PPP3CA: variants seen among roughly 807,000 people sequenced by gnomAD.
The protein encoded by PPP3CA is CAM-PRP catalytic subunit.
Under a neutral mutation model 66.5 loss-of-function variants are expected in PPP3CA, and 14 were observed. That is an observed-to-expected ratio of 0.21 (90% confidence interval 0.14 to 0.33). PPP3CA has a LOEUF of 0.33. Among genes scored for constraint, PPP3CA ranks in the 10% least tolerant of loss-of-function variants. The probability of loss-of-function intolerance (pLI) is 1.00; values close to 1 mark genes in which losing one functional copy is unlikely to be tolerated. For missense variants in PPP3CA, 317 were observed against 639.5 expected (o/e 0.50, Z 5.44); for synonymous variants, 232 against 226.2 (o/e 1.03, Z -0.23).
At chr4:101,279,694 T>C (rs1382980769) in intron 1 of PPP3CA, among the ~76,000 whole-genome samples, 4 of 152,112 alleles carry the variant, frequency 2.6e-5, no homozygotes, top group African/African-American at 4.8e-5. Context: ...GGCTTTTTAC[T>C]ATAAAAAGGG....
At chr4:101,343,699 C>T (rs1029455440) in intron 1 of PPP3CA, among the ~76,000 whole-genome samples, 1 of 152,140 alleles carries the variant, frequency 6.6e-6, no homozygotes, top group South Asian at 2.1e-4. Flanking sequence ...CTTTTCATCT[C>T]CACTGCCATC....
intron 1 of PPP3CA, among the ~76,000 whole-genome samples, chr4:101,204,477 A>T (rs541199571): frequency 2.6e-5 from 4 of 152,140 alleles, no homozygotes; most frequent in African/African-American, 7.2e-5. Context: ...TCTACTAAAA[A>T]TACAAAAAAT....
At chr4:101,333,573 AG>A (rs768601136) in intron 1 of PPP3CA, among the ~76,000 whole-genome samples, 3 of 152,128 alleles carry the variant, frequency 2.0e-5, no homozygotes, top group Non-Finnish European at 4.4e-5. Context: ...TGTCTTGTAT[AG>A]CGCTAGGCAC....
intron 2 of PPP3CA, among the ~76,000 whole-genome samples, chr4:101,154,223 T>C (rs1319552065): frequency 6.6e-6 from 1 of 152,198 alleles, no homozygotes; most frequent in Non-Finnish European, 1.5e-5. Context: ...ATGGTCCTGT[T>C]AGCTAATTAA....
intron 2 of PPP3CA, among the ~76,000 whole-genome samples, chr4:101,146,634 G>T (rs1374354843): frequency 6.6e-6 from 1 of 151,904 alleles, no homozygotes; most frequent in Non-Finnish European, 1.5e-5. Context: ...GTAGAGATGG[G>T]GTTTCACCAT....
At chr4:101,143,375 G>A (rs1722870533) in intron 2 of PPP3CA, among the ~76,000 whole-genome samples, 2 of 152,008 alleles carry the variant, frequency 1.3e-5, no homozygotes, top group Admixed American at 6.6e-5. Flanking sequence ...TGTCTTCCAT[G>A]GTCATAAAGT....
intron 6 of PPP3CA, among the ~76,000 whole-genome samples, chr4:101,083,546 A>C (rs142460630): frequency 3.3e-5 from 5 of 152,236 alleles, no homozygotes; most frequent in African/African-American, 1.2e-4. Flanking sequence ...TCAGAAAAAT[A>C]AATTTTTAAA....
intron 1 of PPP3CA, among the ~76,000 whole-genome samples, chr4:101,216,205 T>C (rs1578562201): frequency 6.6e-6 from 1 of 152,174 alleles, no homozygotes; most frequent in Middle Eastern, 3.2e-3. Context: ...TGATTTCTCA[T>C]TGAAAAATAT....
chr4:101,315,634 T>C (rs1728860756), intron 1 of PPP3CA, among the ~76,000 whole-genome samples: 1 of 152,208 alleles, frequency 6.6e-6, no homozygotes, highest in African/African-American at 2.4e-5. Context: ...AATTCAGCTG[T>C]ATATGACAAA....
chr4:101,335,748 T>A (rs749758211), intron 1 of PPP3CA, among the ~76,000 whole-genome samples: 1 of 151,950 alleles, frequency 6.6e-6, no homozygotes, highest in Non-Finnish European at 1.5e-5. Flanking sequence ...CAAGTTGGCA[T>A]GAGGACACAG....
At chr4:101,101,509 T>A (rs1242475083) in intron 3 of PPP3CA, among the ~76,000 whole-genome samples, 1 of 152,186 alleles carries the variant, frequency 6.6e-6, no homozygotes, top group Admixed American at 6.6e-5. Context: ...GTTTGGAATA[T>A]GAATGGATAT....
intron 6 of PPP3CA, among the ~76,000 whole-genome samples, chr4:101,086,821 A>G (rs1729693979): frequency 6.6e-6 from 1 of 152,154 alleles, no homozygotes; most frequent in Admixed American, 6.5e-5. Context: ...CCGCTTTTTC[A>G]TTTGCATTTT....
intron 8 of PPP3CA, among the ~76,000 whole-genome samples, chr4:101,073,249 GTGTGTA>G (rs1728999897): frequency 7.2e-6 from 1 of 138,610 alleles, no homozygotes; most frequent in Admixed American, 7.2e-5. Context: ...GTGTGTGTGT[GTGTGTA>G]TAGTGTATAT....
At chr4:101,130,888 A>G (rs935910262) in intron 2 of PPP3CA, among the ~76,000 whole-genome samples, 17 of 152,214 alleles carry the variant, frequency 1.1e-4, no homozygotes, top group African/African-American at 4.1e-4. Context: ...TTCACACATA[A>G]CAATATTAAC....
intron 3 of PPP3CA, among the ~76,000 whole-genome samples, chr4:101,099,941 C>T (rs1053742860): frequency 1.3e-5 from 2 of 151,664 alleles, no homozygotes. Flanking sequence ...CATACACGCA[C>T]TGAGGATCAT....
chr4:101,051,393 CAATT>C (rs1728003370), intron 10 of PPP3CA, among the ~76,000 whole-genome samples: 1 of 152,122 alleles, frequency 6.6e-6, no homozygotes, highest in Non-Finnish European at 1.5e-5. Flanking sequence ...CATCAGTTAT[CAATT>C]ACTCTAATAA....
intron 10 of PPP3CA, among the ~76,000 whole-genome samples, chr4:101,050,630 C>G (rs1036823268): frequency 2.6e-5 from 4 of 152,114 alleles, no homozygotes; most frequent in Non-Finnish European, 5.9e-5. Flanking sequence ...CATTATTCGC[C>G]TAAGGTCTTT....
intron 10 of PPP3CA, among the ~76,000 whole-genome samples, chr4:101,056,944 T>C (rs1290760556): frequency 1.3e-5 from 2 of 152,188 alleles, no homozygotes; most frequent in Non-Finnish European, 1.5e-5. Context: ...TTTGAGCATC[T>C]TTAAGCACCC....
chr4:101,086,171 C>T (rs1302748674), intron 6 of PPP3CA, among the ~76,000 whole-genome samples: 1 of 151,892 alleles, frequency 6.6e-6, no homozygotes, highest in African/African-American at 2.4e-5. Flanking sequence ...TATTATAAAG[C>T]AAGCAAGAAA....
Sources: allele counts gnomAD v4.1 joint callset (sites outside exome capture counted in the v4.1 genomes callset), GRCh38; gene constraint gnomAD v4.1.1; transcripts MANE v1.5; gene names NCBI Gene and HGNC (gene_info 2026-07-23, HGNC 2026-07-21).